The following IHO1 variants were observed in gnomAD, a reference collection of about 807,000 sequenced individuals.
The protein encoded by IHO1 is interactor of HORMAD1 protein 1.
Under a neutral mutation model 31.0 loss-of-function variants are expected in IHO1, and 13 were observed. That is an observed-to-expected ratio of 0.42 (90% confidence interval 0.27 to 0.67). The LOEUF is 0.67. IHO1 is among the 30% of genes least tolerant of loss of function. The pLI is 0.24. For missense variants in IHO1, 599 were observed against 687.5 expected, an observed-to-expected ratio of 0.87 and a Z score of 1.44; for synonymous variants, 221 against 248.4, an observed-to-expected ratio of 0.89 and a Z score of 1.04.
At chr3:49,192,785 A>G in the IHO1 span, among the ~76,000 whole-genome samples, 1 of 152,046 alleles carries the variant, frequency 6.6e-6, no homozygotes, top group East Asian at 1.9e-4. Context: ...AGTTCCAGCT[A>G]TTTGGGGGAC....
At chr3:49,217,291 T>C (rs1208572257) in intron 2 of IHO1, among the ~76,000 whole-genome samples, 2 of 152,026 alleles carry the variant, frequency 1.3e-5, no homozygotes, top group Non-Finnish European at 2.9e-5. Context: ...ATATACACCA[T>C]GGAATACTAT....
chr3:49,248,684 G>A (rs988402677), intron 6 of IHO1, among the ~76,000 whole-genome samples: 28 of 152,196 alleles, frequency 1.8e-4, no homozygotes, highest in South Asian at 1.2e-3. Context: ...CTGAGATTGC[G>A]CCATAGCACT....
At chr3:49,223,643 A>G (rs1575574238) in intron 2 of IHO1, among the ~76,000 whole-genome samples, 1 of 151,960 alleles carries the variant, frequency 6.6e-6, no homozygotes, top group Non-Finnish European at 1.5e-5. Context: ...GTGAGCCGAG[A>G]TCACGCCACT....
chr3:49,257,044 T>C lies in IHO1; in HGVS notation c.1547T>C (p.Leu516Pro). The change falls in exon 8 of 8, where the codon CTG (leucine) becomes CCG (proline). Residue 516 changes from leucine to proline, a missense_variant. Coordinates refer to ENST00000452691, the MANE Select transcript of IHO1 (RefSeq NM_001135197.2). ...CCCAGAAAACCAGTCTGCCCTATTC[T>C]GGGAGGAACAGTCATGCCCAATAAG... ...RSPRKPVCPILGGTVMPNKTV... is the reference protein window; with the variant it reads ...RSPRKPVCPIPGGTVMPNKTV... The C allele has an allele frequency of 6.2e-7, 1 of 1,614,164 alleles. No individual in the cohort carries two copies. The highest frequency in any genetic ancestry group is 8.5e-7 in the Non-Finnish European group (1 of 1,180,032).
At chr3:49,198,381 G>A (rs980289296), upstream of IHO1, 1 of 152,372 alleles carries the variant, frequency 6.6e-6, no homozygotes, top group African/African-American at 2.4e-5. Context: ...TCATTCTCCT[G>A]GTGTCTTTCC....
At chr3:49,213,529 A>G (rs1029765770) in intron 2 of IHO1, among the ~76,000 whole-genome samples, 4 of 152,158 alleles carry the variant, frequency 2.6e-5, no homozygotes, top group Non-Finnish European at 5.9e-5. Context: ...GTCCCACACC[A>G]TGTGCCCACA....
At chr3:49,217,972 G>A (rs556815644) in intron 2 of IHO1, among the ~76,000 whole-genome samples, 1 of 152,226 alleles carries the variant, frequency 6.6e-6, no homozygotes, top group Admixed American at 6.5e-5. Context: ...AGGGGAGTGG[G>A]TGGATAAGCA....
rs145407390 is a variant in IHO1 at position 49,240,202 on chromosome 3, C to T, written c.232-1024C>T. ...CTGTGATTACAGGTGTGTGCCACCA[C>T]GCCCAGCTAATTTTTGTTTTTGTTT... On this transcript the variant is annotated intron_variant, in intron 3 of 7. Coordinates refer to ENST00000452691, the MANE Select transcript of IHO1 (RefSeq NM_001135197.2). Among the ~76,000 whole-genome samples, 768 of 151,912 alleles carry T rather than the reference C, an allele frequency of 5.1e-3. 8 individuals carry two copies. Among genetic ancestry groups the T allele is most frequent in the African/African-American group, 0.018 (726 of 41,416 alleles).
intron 2 of IHO1, among the ~76,000 whole-genome samples, chr3:49,225,783 G>A (rs1300200230): frequency 1.3e-5 from 2 of 152,208 alleles, no homozygotes; most frequent in African/African-American, 4.8e-5. Flanking sequence ...CAGACCTTGA[G>A]GACAGTCGCC....
At chr3:49,207,702 T>C (rs575002927) in intron 1 of IHO1, among the ~76,000 whole-genome samples, 124 of 152,298 alleles carry the variant, frequency 8.1e-4, no homozygotes, top group Non-Finnish European at 1.6e-3. Flanking sequence ...TTGTAAACGT[T>C]TAAAAATTTC....
At position 49,243,907 on chromosome 3, in the gene IHO1, C is replaced by T. The variant is rs1186756460; in HGVS notation, c.396-497C>T. Among the ~76,000 whole-genome samples, 4 of 150,238 alleles carry T rather than the reference C, an allele frequency of 2.7e-5. No individual in the cohort carries two copies. The East Asian group carries it at 5.8e-4, about 22-fold the overall frequency. ...TTTTAAAAAGAAAAATGCGATTTGC[C>T]TTAGCAGTGGTCATAGGAAGTCTGT... On this transcript the variant is annotated intron_variant, in intron 4 of 7. Transcript: ENST00000452691.
chr3:49,222,336 A>G (rs1403599973), intron 2 of IHO1, among the ~76,000 whole-genome samples: 1 of 152,160 alleles, frequency 6.6e-6, no homozygotes, highest in Non-Finnish European at 1.5e-5. Context: ...TGTACAGGTA[A>G]TTAGGAGCTA....
Position 49,236,660 on chromosome 3 carries a change from G to T in IHO1, c.169G>T (p.Ala57Ser), listed in dbSNP as rs747526288. The T allele has an allele frequency of 5.0e-6, 8 of 1,614,014 alleles. No homozygotes were observed. In the East Asian group the frequency reaches 1.8e-4, roughly 36 times the overall value. ...FCPENSETLS[A>S]PLDFGAHLRH... is the part of the protein sequence containing the mutation. ...TCCAGAAAATTCAGAAACCCTATCA[G>T]CACCCTTGGACTTTGGTGCCCACTT... Residue 57 changes from alanine (A) to serine (S), a missense_variant, in exon 3 of 8, where the codon GCA becomes TCA. Coordinates refer to ENST00000452691, the MANE Select transcript of IHO1 (RefSeq NM_001135197.2).
Position 49,256,565 on chromosome 3 carries a change from C to T in IHO1, c.1068C>T (p.Asn356=), listed in dbSNP as rs770713969. ...RHVKDKVVQT[N]CKNWAVTKTG... ...TAAAGGACAAGGTGGTGCAGACTAA[C>T]TGCAAGAACTGGGCTGTTACTAAAA... The change falls in exon 8 of 8, where the codon AAC becomes AAT. Residue 356 remains asparagine (N), a synonymous_variant. Coordinates refer to ENST00000452691, the MANE Select transcript of IHO1 (RefSeq NM_001135197.2). This position sits in a 1 kb window ranked among gnomAD's most constrained non-coding sequence, Gnocchi z 4.6. 3 of 1,614,202 alleles carry T rather than the reference C, an allele frequency of 1.9e-6. No individual in the cohort carries two copies. The South Asian group carries it at 3.3e-5, about 18-fold the overall frequency.
chr3:49,200,666 C>A, intron 1 of IHO1: 1 of 659,818 alleles, frequency 1.5e-6, no homozygotes, highest in Non-Finnish European at 1.9e-6. Flanking sequence ...CCATTCCTTG[C>A]ATGCACTCAA....
At chr3:49,210,246 T>C (rs373726656) in intron 1 of IHO1, among the ~76,000 whole-genome samples, 2 of 151,960 alleles carry the variant, frequency 1.3e-5, no homozygotes, top group Admixed American at 6.6e-5. Context: ...GTTTGAGAGA[T>C]AATTTTTTGA....
At chr3:49,240,286 C>T (rs920980910) in intron 3 of IHO1, among the ~76,000 whole-genome samples, 3 of 152,112 alleles carry the variant, frequency 2.0e-5, no homozygotes, top group African/African-American at 7.2e-5. Context: ...TGCAGTGGTG[C>T]AATCTTGGCT....
intron 2 of IHO1, among the ~76,000 whole-genome samples, chr3:49,213,397 T>C (rs1475186578): frequency 6.6e-6 from 1 of 152,228 alleles, no homozygotes; most frequent in Non-Finnish European, 1.5e-5. Flanking sequence ...AGAGTGCTGA[T>C]TGGTGTATCT....
intron 2 of IHO1, among the ~76,000 whole-genome samples, chr3:49,231,479 G>T (rs1186449428): frequency 6.6e-6 from 1 of 152,186 alleles, no homozygotes; most frequent in Non-Finnish European, 1.5e-5. Flanking sequence ...TTATACTTCA[G>T]CTCAAAAAGT....
Sources: gnomAD v4.1 joint callset for allele counts (sites outside exome capture counted in the v4.1 genomes callset) on GRCh38, gnomAD v4.1.1 for gene constraint, Gnocchi (gnomAD v3.1) non-coding constraint, MANE v1.5 for transcripts, NCBI Gene and HGNC (gene_info 2026-07-23, HGNC 2026-07-21) for gene names.